The following EPHB1 variants were observed in gnomAD, a reference collection of about 807,000 sequenced individuals.
EPHB1 encodes EPH receptor B1, also known as ephrin type-B receptor 1.
EPHB1 carries 30 observed loss-of-function variants against 94.4 expected under a neutral mutation model. The ratio of observed to expected loss-of-function variants is 0.32; its 90% CI spans 0.24 to 0.43. EPHB1 has a LOEUF of 0.43. Ranked by LOEUF, EPHB1 falls within the 20% of genes least tolerant of loss-of-function variation. EPHB1 has a pLI of 1.00. For synonymous variants in EPHB1, 522 were observed against 489.1 expected (o/e 1.07, Z -0.89); for missense variants, 1,055 against 1,308.3 (o/e 0.81, Z 2.99).
chr3:134,912,988 A>C (rs991701178), intron 1 of EPHB1, among the ~76,000 whole-genome samples: 1 of 152,244 alleles, frequency 6.6e-6, no homozygotes, highest in Non-Finnish European at 1.5e-5. Context: ...AAGGAAAATA[A>C]GGCAAAGGAC....
chr3:134,822,393 A>G (rs567314937), intron 1 of EPHB1, among the ~76,000 whole-genome samples: 2 of 152,276 alleles, frequency 1.3e-5, no homozygotes, highest in African/African-American at 4.8e-5. Flanking sequence ...AGATTTGGCC[A>G]TGAGTGAGCA....
chr3:135,153,381 A>T (rs1941251965), intron 5 of EPHB1, among the ~76,000 whole-genome samples: 1 of 152,192 alleles, frequency 6.6e-6, no homozygotes, highest in African/African-American at 2.4e-5. Context: ...TTTTGCTTAC[A>T]CCATGTGAAA....
intron 3 of EPHB1, among the ~76,000 whole-genome samples, chr3:135,005,953 C>G (rs1240770238): frequency 6.6e-6 from 1 of 152,210 alleles, no homozygotes; most frequent in Non-Finnish European, 1.5e-5. Context: ...TAGACCGGAG[C>G]TGTTCCTATT....
intron 3 of EPHB1, among the ~76,000 whole-genome samples, chr3:134,975,604 C>T (rs897956674): frequency 4.6e-5 from 7 of 152,138 alleles, no homozygotes; most frequent in Non-Finnish European, 1.0e-4. Flanking sequence ...GTACTGAGGG[C>T]TTTGCTTACA....
intron 1 of EPHB1, among the ~76,000 whole-genome samples, chr3:134,875,018 G>A (rs2037587678): frequency 6.6e-6 from 1 of 152,288 alleles, no homozygotes; most frequent in Middle Eastern, 3.4e-3. Context: ...GGTAGCCAGT[G>A]CGTAAGGCTT....
At chr3:134,833,282 G>A (rs537236845) in intron 1 of EPHB1, among the ~76,000 whole-genome samples, 12 of 152,194 alleles carry the variant, frequency 7.9e-5, no homozygotes, top group Non-Finnish European at 1.3e-4. Context: ...CCCTGCCCCC[G>A]TCCCCAGGCC....
chr3:134,945,744 T>C (rs1302068233), intron 2 of EPHB1, among the ~76,000 whole-genome samples: 1 of 152,210 alleles, frequency 6.6e-6, no homozygotes, highest in Non-Finnish European at 1.5e-5. Flanking sequence ...AGAAGCAATA[T>C]GTCAAATGCC....
chr3:135,123,594 C>A (rs1940071565), intron 4 of EPHB1, among the ~76,000 whole-genome samples: 1 of 152,118 alleles, frequency 6.6e-6, no homozygotes, highest in Admixed American at 6.5e-5. Context: ...CCATGCCCAG[C>A]ACCAGTGCTG....
At chr3:135,176,208 C>T (rs1165670152) in intron 9 of EPHB1, among the ~76,000 whole-genome samples, 5 of 152,216 alleles carry the variant, frequency 3.3e-5, no homozygotes, top group East Asian at 3.9e-4. Flanking sequence ...CACAGACTGC[C>T]GCCCCACACA....
At chr3:135,150,319 A>G (rs898836117) in intron 5 of EPHB1, among the ~76,000 whole-genome samples, 3 of 152,212 alleles carry the variant, frequency 2.0e-5, no homozygotes, top group African/African-American at 7.2e-5. Context: ...AGTGGAAGGA[A>G]AGAACTGTCA....
At chr3:134,973,554 C>T (rs568779447) in intron 3 of EPHB1, among the ~76,000 whole-genome samples, 9 of 151,102 alleles carry the variant, frequency 6.0e-5, no homozygotes, top group Non-Finnish European at 1.0e-4. Flanking sequence ...TCCTCAGCCT[C>T]CTGAGTAGCC....
chr3:135,144,059 A>G (rs1272127459), intron 5 of EPHB1, among the ~76,000 whole-genome samples: 2 of 152,100 alleles, frequency 1.3e-5, no homozygotes, highest in Non-Finnish European at 2.9e-5. Flanking sequence ...TCCATTAGTG[A>G]TGCTGATGTA....
At chr3:134,982,785 G>A (rs1044944154) in intron 3 of EPHB1, among the ~76,000 whole-genome samples, 4 of 151,316 alleles carry the variant, frequency 2.6e-5, no homozygotes, top group African/African-American at 9.8e-5. Flanking sequence ...CTCTGATTTT[G>A]TGTGTTACTT....
At chr3:135,136,639 C>T (rs1466742413) in intron 5 of EPHB1, among the ~76,000 whole-genome samples, 1 of 152,172 alleles carries the variant, frequency 6.6e-6, no homozygotes, top group African/African-American at 2.4e-5. Flanking sequence ...TGAGAAACAT[C>T]ATTTCTTGGC....
At chr3:134,933,965 G>C (rs2038953011) in intron 2 of EPHB1, among the ~76,000 whole-genome samples, 1 of 152,098 alleles carries the variant, frequency 6.6e-6, no homozygotes, top group Non-Finnish European at 1.5e-5. Flanking sequence ...CCTCCCTGCT[G>C]TTGGGCCTCT....
At chr3:134,824,854 C>A (rs1376186124) in intron 1 of EPHB1, among the ~76,000 whole-genome samples, 2 of 152,138 alleles carry the variant, frequency 1.3e-5, no homozygotes, top group Non-Finnish European at 2.9e-5. Flanking sequence ...TGCCAGCCAG[C>A]ACCAACTGCC....
chr3:134,885,402 T>C (rs1026923937), intron 1 of EPHB1, among the ~76,000 whole-genome samples: 2 of 152,196 alleles, frequency 1.3e-5, no homozygotes, highest in African/African-American at 4.8e-5. Flanking sequence ...AAGCGATGAA[T>C]GGCCTCTCTC....
intron 5 of EPHB1, among the ~76,000 whole-genome samples, chr3:135,153,220 G>T (rs565580394): frequency 9.2e-5 from 14 of 152,144 alleles, no homozygotes; most frequent in Admixed American, 2.0e-4. Flanking sequence ...TTGTAAAGTG[G>T]AGTTTGAGTG....
At chr3:135,184,953 A>G (rs1356047325) in intron 10 of EPHB1, among the ~76,000 whole-genome samples, 1 of 152,248 alleles carries the variant, frequency 6.6e-6, no homozygotes, top group Non-Finnish European at 1.5e-5. Context: ...TACAGCTTGA[A>G]TGGCACTCCT....
Sources: allele counts gnomAD v4.1 joint callset (sites outside exome capture counted in the v4.1 genomes callset), GRCh38; gene constraint gnomAD v4.1.1; transcripts MANE v1.5; gene names NCBI Gene and HGNC (gene_info 2026-07-23, HGNC 2026-07-21).